Variants in OTOGL observed in about 807,000 individuals in gnomAD.
OTOGL encodes otogelin like, also known as otogelin-like protein.
Under a neutral mutation model 318.5 loss-of-function variants are expected in OTOGL, and 285 were observed. The ratio of observed to expected loss-of-function variants is 0.89; its 90% confidence interval spans 0.81 to 0.99. The LOEUF is 0.99. Among genes scored for constraint, OTOGL ranks in the 50% least tolerant of loss-of-function variants. The pLI is 0.00. For synonymous variants in OTOGL, 987 were observed against 936.5 expected (o/e 1.05, Z -0.99); for missense variants, 2,899 against 2,845.6 (o/e 1.02, Z -0.43).
Position 80,251,873 on chromosome 12 carries a change from G to C in OTOGL, c.1159+74G>C, listed in dbSNP as rs141525724. On this transcript the variant is annotated intron_variant, in intron 12 of 58. Transcript: ENST00000547103. ...TTAAACCTAGAACTCAAAACTTACT[G>C]TACTACTCAATACTAATGAATTGCA... 2.2e-5 allele frequency: 29 copies of C among 1,331,908 alleles called. No individual in the cohort carries two copies. The African/African-American group carries it at 4.1e-4, about 19-fold the overall frequency. The allele number at this position is 1,331,908 out of a possible 1,614,324, so 82.5% of individuals were successfully genotyped here.
In OTOGL at chr12:80,378,122, C is replaced by A; in HGVS notation, c.*74C>A. On this transcript the variant is annotated 3_prime_UTR_variant, in exon 59 of 59. Transcript: ENST00000547103. The stretch of plus-strand genomic sequence containing the variant: ...TTAACTTTTATTGCTATTACTTAGG[C>A]ATGTGGCAGATTTATGCTGTTTAAC... The A allele has an allele frequency of 8.7e-7, 1 of 1,143,748 alleles. No individual in the cohort carries two copies. The highest frequency in any genetic ancestry group is 1.2e-6 in the Non-Finnish European group (1 of 807,352). 70.8% of individuals were successfully genotyped at this position (1,143,748 alleles called of 1,614,324 possible). A position where few individuals can be genotyped will look rare whatever the true frequency, so the allele number is the denominator to read the frequency against.
Position 80,255,110 on chromosome 12 carries a change from G to T in OTOGL, c.1512G>T (p.Met504Ile). ...GTCGACATTATTCTTTTATTGGCAT[G>T]TGCCAATACATCCTCGTGAAAGGAA... ...FDGRHYSFIG[M>I]CQYILVKGTG... The change falls in exon 16 of 59, where the codon ATG (methionine) becomes ATT (isoleucine). Residue 504 changes from methionine (M) to isoleucine (I), a missense_variant. By Grantham distance (10) the Met-to-Ile change is conservative. This residue lies in a region of OTOGL where 2,607 missense variants were observed against 2,524.9 expected (regional missense o/e 1.03). Transcript: ENST00000547103. 6.6e-7 allele frequency: 1 copy of T among 1,526,106 alleles called. No individual in the cohort carries two copies. 94.5% of individuals were successfully genotyped at this position (1,526,106 alleles called of 1,614,324 possible).
intron 4 of OTOGL, among the ~76,000 whole-genome samples, chr12:80,215,839 T>C (rs938972093): frequency 2.6e-5 from 4 of 152,112 alleles, no homozygotes; most frequent in South Asian, 2.1e-4. Context: ...CTTGAGGGAA[T>C]TGAGGTCATA....
chr12:80,325,700 C>G (rs1008555465), intron 35 of OTOGL, among the ~76,000 whole-genome samples: 4 of 152,208 alleles, frequency 2.6e-5, no homozygotes, highest in Non-Finnish European at 4.4e-5. Flanking sequence ...CTATTTCCTG[C>G]CTCTTCTGGT....
At chr12:80,157,726 A>G (rs920565186) in intron 1 of OTOGL, among the ~76,000 whole-genome samples, 4 of 152,148 alleles carry the variant, frequency 2.6e-5, no homozygotes, top group African/African-American at 7.2e-5. Context: ...GTGAAAAATC[A>G]GTTCGCTGTA....
chr12:80,180,607 C>T (rs1029587187), intron 1 of OTOGL, among the ~76,000 whole-genome samples: 3 of 152,048 alleles, frequency 2.0e-5, no homozygotes, highest in East Asian at 1.9e-4. Flanking sequence ...TGTGAGAAAT[C>T]GTGTAAATGG....
At chr12:80,206,855 T>C (rs1368819304) in intron 1 of OTOGL, among the ~76,000 whole-genome samples, 1 of 152,116 alleles carries the variant, frequency 6.6e-6, no homozygotes, top group Non-Finnish European at 1.5e-5. Context: ...ATACATATAG[T>C]TCAAAATAGA....
intron 1 of OTOGL, among the ~76,000 whole-genome samples, chr12:80,142,665 C>T (rs116604108): frequency 2.3e-3 from 353 of 152,242 alleles, no homozygotes; most frequent in African/African-American, 8.1e-3. Context: ...ATTCATTTGA[C>T]GGCCCCTTAA....
Position 80,378,008 on chromosome 12 carries a change from C to T in OTOGL, c.7022C>T (p.Thr2341Ile). Reference protein sequence around the residue: ...CSGNGTEIMYTLQEPIDCTCQ... With the variant: ...CSGNGTEIMYILQEPIDCTCQ... ...GGAAATGGCACTGAAATTATGTACA[C>T]TCTCCAGGAACCCATAGACTGTACG... is the stretch of plus-strand genomic sequence containing the variant. The change falls in exon 59 of 59, where the codon ACT becomes ATT. Residue 2341 changes from threonine (T) to isoleucine (I), a missense_variant. Around this residue, in one of 3 missense-constraint regions of OTOGL, gnomAD observed 289 missense variants for 304.6 expected, o/e 0.95. Coordinates refer to ENST00000547103, the MANE Select transcript of OTOGL (RefSeq NM_001378609.3). 6.3e-7 allele frequency: 1 copy of T among 1,593,784 alleles called. No homozygotes were observed. The highest frequency in any genetic ancestry group is 8.6e-7 in the Non-Finnish European group (1 of 1,168,252).
intron 44 of OTOGL, among the ~76,000 whole-genome samples, chr12:80,345,413 T>G (rs1319950565): frequency 2.0e-5 from 3 of 151,298 alleles, no homozygotes; most frequent in East Asian, 3.9e-4. Context: ...TTTTTTGTAT[T>G]TTTAATAGAG....
chr12:80,250,620 A>G (rs1881454226), intron 11 of OTOGL, among the ~76,000 whole-genome samples: 1 of 152,016 alleles, frequency 6.6e-6, no homozygotes. Context: ...TTATATGCTC[A>G]GTCCTTTTTT....
At chr12:80,369,960 A>G (rs1566021648) in intron 55 of OTOGL, among the ~76,000 whole-genome samples, 1 of 152,074 alleles carries the variant, frequency 6.6e-6, no homozygotes, top group Admixed American at 6.6e-5. Context: ...CTGACTTTTA[A>G]ATAGAAATTC....
Position 80,351,795 on chromosome 12 carries a change from T to A in OTOGL, c.5266-500T>A, listed in dbSNP as rs114791340. On this transcript the variant is annotated intron_variant, in intron 44 of 58. Transcript: ENST00000547103. ...TGTCTCTAGATCAAAATGGAACATA[T>A]TCTATAGGAAAAAAATGAGTAATTA... Among the ~76,000 whole-genome samples, 1,500 of 152,250 alleles carry A rather than the reference T, an allele frequency of 9.9e-3. 19 individuals carry two copies. The highest frequency in any genetic ancestry group is 0.034 in the African/African-American group (1,394 of 41,530).
Position 80,370,621 on chromosome 12 carries a change from G to A in OTOGL, c.6667G>A (p.Asp2223Asn). Residue 2223 changes from aspartate to asparagine, a missense_variant, in exon 56 of 59, where the codon GAT becomes AAT. Transcript: ENST00000547103. ...CACCACATATGAATGTGTTAAAACT[G>A]ATGAAGGAGCAATAATTCTGAACTA... ...NCTTYECVKT[D>N]EGAIILNYTM... 6.3e-7 allele frequency: 1 copy of A among 1,589,622 alleles called. No individual in the cohort carries two copies. The highest frequency in any genetic ancestry group is 8.6e-7 in the Non-Finnish European group (1 of 1,165,200).
chr12:80,268,020 G>T (rs1883129793), intron 22 of OTOGL, among the ~76,000 whole-genome samples: 1 of 151,728 alleles, frequency 6.6e-6, no homozygotes, highest in African/African-American at 2.4e-5. Context: ...CTGCACAGTA[G>T]TAAGTGTGCC....
At chr12:80,232,851 T>C (rs1426774832) in intron 8 of OTOGL, 41 bp from the exon 9 acceptor site, 1 of 1,494,484 alleles carries the variant, frequency 6.7e-7, no homozygotes, top group South Asian at 1.2e-5. Context: ...TAATTGAGAC[T>C]TTATCATCAT....
At chr12:80,110,027 C>T (rs191731189) in intron 1 of OTOGL, among the ~76,000 whole-genome samples, 1 of 151,306 alleles carries the variant, frequency 6.6e-6, no homozygotes, top group East Asian at 1.9e-4. Context: ...TTGCTGCACC[C>T]ATCAACCTGT....
chr12:80,353,614 C>G, intron 46 of OTOGL, 104 bp downstream of exon 46: 1 of 908,420 alleles, frequency 1.1e-6, no homozygotes, highest in Non-Finnish European at 1.5e-6. Context: ...TCAAAGACAG[C>G]CTCTGTTGGA....
intron 29 of OTOGL, among the ~76,000 whole-genome samples, chr12:80,308,981 G>GGGGAGAGGGAGAGGGAGA (rs59424577): frequency 4.7e-5 from 7 of 149,368 alleles, no homozygotes; most frequent in African/African-American, 1.7e-4. Flanking sequence ...GGGAGACCGT[G>GGGGAGAGGGAGAGGGAGA]GGGAGAGGGA....
Sources: allele counts gnomAD v4.1 joint callset (sites outside exome capture counted in the v4.1 genomes callset), GRCh38; gene constraint gnomAD v4.1.1; regional missense constraint gnomAD v4.1.1; transcripts MANE v1.5; gene names NCBI Gene and HGNC (gene_info 2026-07-23, HGNC 2026-07-21).